The following MOB3B variants were observed in gnomAD, a reference collection of about 807,000 sequenced individuals.
MOB3B encodes the protein MOB kinase activator 3B.
Under a neutral mutation model 18.7 loss-of-function variants are expected in MOB3B, and 7 were observed. The observed-to-expected ratio is 0.37, with a 90% confidence interval of 0.21 to 0.70. The LOEUF (loss-of-function observed/expected upper bound fraction) is 0.70, where lower values mean the gene tolerates loss of function less well. Ranked by LOEUF, MOB3B falls within the 30% of genes least tolerant of loss-of-function variation. The pLI is 0.52. For synonymous variants in MOB3B, 111 were observed against 99.9 expected, an observed-to-expected ratio of 1.11 and a Z score of -0.66; for missense variants, 253 against 281.3, an observed-to-expected ratio of 0.90 and a Z score of 0.72.
intron 2 of MOB3B, among the ~76,000 whole-genome samples, chr9:27,452,957 C>T (rs567508171): frequency 6.6e-6 from 1 of 152,162 alleles, no homozygotes; most frequent in Non-Finnish European, 1.5e-5. Flanking sequence ...ATAAATTATA[C>T]AATGTGGTGA....
intron 1 of MOB3B, among the ~76,000 whole-genome samples, chr9:27,487,157 T>TAAATA (rs1563880746): frequency 2.9e-4 from 43 of 146,796 alleles, no homozygotes; most frequent in Admixed American, 1.8e-3. Flanking sequence ...ATAAATAAAA[T>TAAATA]AAATAAATAA....
In MOB3B at chr9:27,405,350, C is replaced by T. The variant is rs535272907; in HGVS notation, c.419-46114G>A. ...CTTGAAATCCTGACCTCATGATCAGCCTGCCTTGGCCTCCCAAAGTGCTGA... is the reference window on the plus strand; with the variant it reads ...CTTGAAATCCTGACCTCATGATCAGTCTGCCTTGGCCTCCCAAAGTGCTGA... On this transcript the variant is annotated intron_variant, in intron 2 of 3. Transcript: ENST00000262244. 2.0e-5 allele frequency among the ~76,000 whole-genome samples: 3 copies of T among 152,160 alleles called. No homozygotes were observed. In the South Asian group the frequency reaches 6.2e-4, roughly 32 times the overall value.
intron 1 of MOB3B, among the ~76,000 whole-genome samples, chr9:27,472,020 A>G (rs1253828447): frequency 6.6e-6 from 1 of 152,222 alleles, no homozygotes; most frequent in Non-Finnish European, 1.5e-5. Context: ...TGTAACCACA[A>G]TGTGTAGACT....
intron 2 of MOB3B, among the ~76,000 whole-genome samples, chr9:27,446,094 A>C (rs532083724): frequency 6.6e-6 from 1 of 152,338 alleles, no homozygotes; most frequent in South Asian, 2.1e-4. Flanking sequence ...ACTAAGGTTC[A>C]GTTAGACACA....
chr9:27,408,809 C>G (rs1331765306), intron 2 of MOB3B, among the ~76,000 whole-genome samples: 1 of 152,174 alleles, frequency 6.6e-6, no homozygotes, highest in African/African-American at 2.4e-5. Flanking sequence ...AGTATTTCCC[C>G]TTCCTTCCTG....
chr9:27,348,002 G>A (rs1821053950), intron 3 of MOB3B, among the ~76,000 whole-genome samples: 1 of 152,198 alleles, frequency 6.6e-6, no homozygotes, highest in African/African-American at 2.4e-5. Context: ...ACACATGACT[G>A]TACTTCTGTA....
chr9:27,510,494 C>T (rs2477522), intron 1 of MOB3B, among the ~76,000 whole-genome samples: 143,241 of 152,270 alleles, frequency 0.94, 67,401 homozygotes, highest in African/African-American at 0.96. Flanking sequence ...TAAGTGTGAT[C>T]TTTTTAAAAG....
intron 2 of MOB3B, among the ~76,000 whole-genome samples, chr9:27,452,713 T>C (rs1289010368): frequency 6.6e-6 from 1 of 152,224 alleles, no homozygotes; most frequent in Non-Finnish European, 1.5e-5. Flanking sequence ...TCCTGTCATT[T>C]GTGACATGAA....
intron 1 of MOB3B, among the ~76,000 whole-genome samples, chr9:27,462,500 G>A (rs1587233585): frequency 6.6e-6 from 1 of 152,262 alleles, no homozygotes; most frequent in East Asian, 1.9e-4. Context: ...CTGATATGAT[G>A]TCACTCTGAA....
intron 2 of MOB3B, among the ~76,000 whole-genome samples, chr9:27,366,416 GC>G (rs1212470012): frequency 1.3e-5 from 2 of 151,886 alleles, no homozygotes; most frequent in Non-Finnish European, 2.9e-5. Flanking sequence ...TTTCCCTCCT[GC>G]CCCTCCCTTC....
chr9:27,327,607 G>A lies in MOB3B; in HGVS notation c.*2980C>T, dbSNP rs978537934. The A allele has an allele frequency of 6.6e-6, 1 of 151,758 alleles. No individual in the cohort carries two copies. The highest frequency in any genetic ancestry group is 2.4e-5 in the African/African-American group (1 of 41,268). 9.4% of individuals were successfully genotyped at this position (151,758 alleles called of 1,614,324 possible). On this transcript the variant is annotated 3_prime_UTR_variant, in exon 4 of 4. Coordinates refer to ENST00000262244, the MANE Select transcript of MOB3B (RefSeq NM_024761.5). ...ACACCACCCCACCACCCACCACTCA[G>A]ACACACACAAAAGGGCAACTCTAAT...
chr9:27,479,634 CA>C (rs971224337), intron 1 of MOB3B, among the ~76,000 whole-genome samples: 36 of 151,968 alleles, frequency 2.4e-4, no homozygotes, highest in Admixed American at 1.1e-3. Context: ...CACCCCTACT[CA>C]AAAAAAATTT....
intron 1 of MOB3B, among the ~76,000 whole-genome samples, chr9:27,483,355 A>T (rs1350501096): frequency 1.3e-5 from 2 of 151,830 alleles, no homozygotes. Context: ...AATGATCTTG[A>T]TCTCCTGACT....
chr9:27,478,793 C>T (rs1819600509), intron 1 of MOB3B, among the ~76,000 whole-genome samples: 1 of 137,760 alleles, frequency 7.3e-6, no homozygotes, highest in Admixed American at 7.8e-5. Context: ...ATTACAAGTC[C>T]CAAGCAGGAT....
chr9:27,504,175 A>C (rs1820026245), intron 1 of MOB3B, among the ~76,000 whole-genome samples: 1 of 152,254 alleles, frequency 6.6e-6, no homozygotes, highest in African/African-American at 2.4e-5. Context: ...TGCTTGCATC[A>C]GCCACATTTA....
In MOB3B at chr9:27,487,157, T is replaced by TAAATAAATAAATAAATA. The variant is rs1563880747; in HGVS notation, c.-198-31410_-198-31409insTATTTATTTATTTATTT. Among the ~76,000 whole-genome samples the TAAATAAATAAATAAATA allele has an allele frequency of 3.7e-4, 55 of 146,798 alleles. 1 individual carries two copies. In the South Asian group the frequency reaches 3.9e-3, roughly 10 times the overall value. ...AAAATAAATAAATAAATAAATAAAA[T>TAAATAAATAAATAAATA]AAATAAATAATTCTTAGCGTTGGGA... is the stretch of plus-strand genomic sequence containing the variant. On this transcript the variant is annotated intron_variant, in intron 1 of 3. Transcript: ENST00000262244.
In MOB3B at chr9:27,326,479, G is replaced by GAATT. The variant is rs1266700364; in HGVS notation, c.*4107_*4108insAATT. 7.5e-6 allele frequency: 3 copies of GAATT among 398,460 alleles called. No homozygotes were observed. Among genetic ancestry groups the GAATT allele is most frequent in the Non-Finnish European group, 4.4e-6 (1 of 226,062 alleles). The allele number at this position is 398,460 out of a possible 1,614,324, so 24.7% of individuals were successfully genotyped here. A position where few individuals can be genotyped will look rare whatever the true frequency, so the allele number is the denominator to read the frequency against. ...ACTGAAACTCAAAAAGAATACTTCA[G>GAATT]CTCGAGTTGAATGGAATTCAAGATG... On this transcript the variant is annotated 3_prime_UTR_variant, in exon 4 of 4. Transcript: ENST00000262244.
intron 2 of MOB3B, among the ~76,000 whole-genome samples, chr9:27,374,420 G>T (rs1266166187): frequency 5.3e-5 from 8 of 152,000 alleles, no homozygotes; most frequent in Non-Finnish European, 4.4e-5. Flanking sequence ...ACCCTCAATG[G>T]TTAGTCATGG....
intron 1 of MOB3B, among the ~76,000 whole-genome samples, chr9:27,519,320 C>T (rs1410922824): frequency 6.6e-6 from 1 of 152,164 alleles, no homozygotes; most frequent in African/African-American, 2.4e-5. Context: ...TTATCCTGGA[C>T]CTCATATCCA....
Sources: gnomAD v4.1 joint callset for allele counts (sites outside exome capture counted in the v4.1 genomes callset) on GRCh38, gnomAD v4.1.1 for gene constraint, MANE v1.5 for transcripts, NCBI Gene and HGNC (gene_info 2026-07-23, HGNC 2026-07-21) for gene names.